The following MACROD2 variants were observed in gnomAD, a reference collection of about 807,000 sequenced individuals.
The protein encoded by MACROD2 is mono-ADP ribosylhydrolase 2, also known as ADP-ribose glycohydrolase MACROD2.
In MACROD2, 36 loss-of-function variants were observed where a neutral mutation model predicts 70.4. The ratio of observed to expected loss-of-function variants is 0.51; its 90% CI spans 0.39 to 0.68. MACROD2 has a LOEUF of 0.68. MACROD2 is among the 30% of genes least tolerant of loss of function. The pLI, the probability that MACROD2 is intolerant of heterozygous loss-of-function variation, is 0.00. For synonymous variants in MACROD2, 172 were observed against 178.8 expected, an observed-to-expected ratio of 0.96 and a Z score of 0.30; for missense variants, 496 against 538.4, an observed-to-expected ratio of 0.92 and a Z score of 0.78.
At chr20:15,375,968 A>C (rs532953908) in intron 6 of MACROD2, among the ~76,000 whole-genome samples, 1 of 152,102 alleles carries the variant, frequency 6.6e-6, no homozygotes, top group Admixed American at 6.5e-5. Context: ...ATGCATCGAC[A>C]TATGTTCATC....
intron 3 of MACROD2, among the ~76,000 whole-genome samples, chr20:14,134,255 G>A (rs570978792): frequency 3.3e-5 from 5 of 152,138 alleles, no homozygotes; most frequent in African/African-American, 4.8e-5. Context: ...ATCGGGCCAC[G>A]GTCTGCTTCC....
chr20:15,466,871 T>G (rs2046898251), intron 7 of MACROD2, among the ~76,000 whole-genome samples: 1 of 152,158 alleles, frequency 6.6e-6, no homozygotes, highest in South Asian at 2.1e-4. Context: ...CTATAAAAAT[T>G]GAAATTTTTT....
chr20:15,131,593 G>T (rs184341454), intron 5 of MACROD2, among the ~76,000 whole-genome samples: 1 of 152,014 alleles, frequency 6.6e-6, no homozygotes, highest in Non-Finnish European at 1.5e-5. Context: ...AGTAAATATT[G>T]TAAATTTTGA....
chr20:14,660,596 G>GTAT, intron 4 of MACROD2, among the ~76,000 whole-genome samples: 1 of 152,130 alleles, frequency 6.6e-6, no homozygotes, highest in Admixed American at 6.5e-5. Context: ...TTACATGAGT[G>GTAT]TATTGTGTGA....
At chr20:15,742,629 A>G (rs2051122357) in intron 8 of MACROD2, among the ~76,000 whole-genome samples, 1 of 152,240 alleles carries the variant, frequency 6.6e-6, no homozygotes, top group Admixed American at 6.5e-5. Flanking sequence ...CTTTCTAAGG[A>G]ATTGTTGAAA....
intron 6 of MACROD2, among the ~76,000 whole-genome samples, chr20:15,312,298 G>T (rs1264097371): frequency 1.3e-5 from 2 of 152,224 alleles, no homozygotes; most frequent in African/African-American, 2.4e-5. Context: ...AATTTGTTAA[G>T]ATGTGATGGT....
At chr20:14,078,552 G>A (rs894176510) in intron 2 of MACROD2, among the ~76,000 whole-genome samples, 9 of 151,814 alleles carry the variant, frequency 5.9e-5, no homozygotes, top group African/African-American at 1.5e-4. Context: ...GATTACAGGC[G>A]CCTACCACCA....
At chr20:15,908,338 C>A (rs1271509092) in intron 10 of MACROD2, among the ~76,000 whole-genome samples, 1 of 152,222 alleles carries the variant, frequency 6.6e-6, no homozygotes, top group Non-Finnish European at 1.5e-5. Flanking sequence ...TTCTCCACCT[C>A]CAGCTATTGC....
intron 5 of MACROD2, among the ~76,000 whole-genome samples, chr20:14,967,684 TTTC>T (rs1334585850): frequency 2.6e-5 from 4 of 152,324 alleles, no homozygotes; most frequent in African/African-American, 9.6e-5. Flanking sequence ...GCCTATTCCA[TTTC>T]TTATTTTCTT....
intron 8 of MACROD2, among the ~76,000 whole-genome samples, chr20:15,584,180 C>G (rs1340321299): frequency 6.6e-6 from 1 of 152,212 alleles, no homozygotes; most frequent in Non-Finnish European, 1.5e-5. Flanking sequence ...ATGCAGCCCC[C>G]TGGATCTCAC....
intron 5 of MACROD2, among the ~76,000 whole-genome samples, chr20:15,009,714 A>AT (rs1214435730): frequency 1.3e-5 from 2 of 150,628 alleles, no homozygotes; most frequent in Non-Finnish European, 2.9e-5. Flanking sequence ...TTCCCAGCTA[A>AT]TTTTTTTCCA....
intron 15 of MACROD2, among the ~76,000 whole-genome samples, chr20:16,031,550 G>A (rs2067151896): frequency 6.6e-6 from 1 of 152,126 alleles, no homozygotes; most frequent in Non-Finnish European, 1.5e-5. Context: ...GTTTGTAAAA[G>A]CAACAGTGTA....
At chr20:15,422,037 G>T (rs1445802915) in intron 6 of MACROD2, among the ~76,000 whole-genome samples, 1 of 152,200 alleles carries the variant, frequency 6.6e-6, no homozygotes, top group Non-Finnish European at 1.5e-5. Flanking sequence ...TGGCCCTGGA[G>T]TAGAATCATG....
chr20:14,604,694 A>G (rs1172202703), intron 4 of MACROD2, among the ~76,000 whole-genome samples: 1 of 152,152 alleles, frequency 6.6e-6, no homozygotes, highest in Non-Finnish European at 1.5e-5. Flanking sequence ...GGTCATCTTT[A>G]TCCATCTTGA....
intron 3 of MACROD2, among the ~76,000 whole-genome samples, chr20:14,158,131 T>C (rs1676429694): frequency 1.3e-5 from 2 of 152,138 alleles, no homozygotes; most frequent in South Asian, 4.1e-4. Context: ...TGGGGTAAGA[T>C]GATAGGTATC....
At chr20:14,663,151 C>T (rs1986311779) in intron 4 of MACROD2, among the ~76,000 whole-genome samples, 1 of 151,942 alleles carries the variant, frequency 6.6e-6, no homozygotes, top group South Asian at 2.1e-4. Flanking sequence ...ACTATGCAGC[C>T]ATAAAAAGAA....
chr20:15,902,288 TATATA>T (rs1456729184), intron 10 of MACROD2, among the ~76,000 whole-genome samples: 1 of 151,930 alleles, frequency 6.6e-6, no homozygotes, highest in Non-Finnish European at 1.5e-5. Context: ...CACAATATAA[TATATA>T]ATATATGTAT....
At chr20:15,534,307 T>C (rs1360296393) in intron 8 of MACROD2, among the ~76,000 whole-genome samples, 2 of 152,238 alleles carry the variant, frequency 1.3e-5, no homozygotes, top group Admixed American at 6.5e-5. Flanking sequence ...TAGCTAGAGT[T>C]ATGTCTCTAT....
chr20:14,485,281 C>CT (rs1408931815), intron 3 of MACROD2, among the ~76,000 whole-genome samples: 3 of 152,156 alleles, frequency 2.0e-5, no homozygotes, highest in Admixed American at 6.5e-5. Flanking sequence ...ACTTTGGAAT[C>CT]TCATAGGGCG....
Sources: gnomAD v4.1 joint callset for allele counts (sites outside exome capture counted in the v4.1 genomes callset) on GRCh38, gnomAD v4.1.1 for gene constraint, MANE v1.5 for transcripts, NCBI Gene and HGNC (gene_info 2026-07-23, HGNC 2026-07-21) for gene names.